Variants in CTNNA1 observed in about 807,000 individuals in gnomAD.
CTNNA1 encodes the protein catenin alpha-1.
A neutral mutation model predicts 98.4 loss-of-function variants in CTNNA1; 37 were observed. The observed-to-expected ratio is 0.38, with a 90% CI of 0.29 to 0.49. CTNNA1 has a LOEUF of 0.49. CTNNA1 is among the 20% of genes least tolerant of loss of function. The pLI, the probability that CTNNA1 is intolerant of heterozygous loss-of-function variation, is 0.95. For synonymous variants in CTNNA1, 404 were observed against 413.2 expected (o/e 0.98, Z 0.27); for missense variants, 761 against 1,147.2 (o/e 0.66, Z 4.86).
At position 138,930,903 on chromosome 5, in the gene CTNNA1, A is replaced by C; in HGVS notation, c.2266A>C (p.Met756Leu). ...AKKIAEAGSR[M>L]DKLGRTIADH... The stretch of plus-strand genomic sequence containing the variant: ...GAAAATTGCTGAGGCAGGATCCAGG[A>C]TGGACAAGCTTGGCCGCACCATTGC... Residue 756 changes from methionine to leucine, a missense_variant, in exon 16 of 18, where the codon ATG (methionine) becomes CTG (leucine). Around this residue, in one of 6 missense-constraint regions of CTNNA1, gnomAD observed 77 missense variants for 198.8 expected, o/e 0.39. Transcript: ENST00000302763. 1 of 1,614,060 alleles carries C rather than the reference A, an allele frequency of 6.2e-7. No homozygotes were observed. The highest frequency in any genetic ancestry group is 8.5e-7 in the Non-Finnish European group (1 of 1,179,870).
rs2150294641 is a variant in CTNNA1, at chr5:138,925,293, G to A, written c.1785G>A (p.Val595=). 1 of 1,614,092 alleles carries A rather than the reference G, an allele frequency of 6.2e-7. No homozygotes were observed. The part of the protein sequence containing the change: ...PRFTEQVEAA[V]EALSSDPAQP... The stretch of plus-strand genomic sequence containing the variant: ...TTACTGAGCAAGTAGAAGCAGCCGT[G>A]GAAGCCCTCAGCTCGGACCCTGCCC... Residue 595 remains valine, a synonymous_variant, in exon 13 of 18, where the codon GTG becomes GTA. Transcript: ENST00000302763.
intron 1 of CTNNA1, among the ~76,000 whole-genome samples, chr5:138,760,577 G>A (rs1199903596): frequency 6.6e-6 from 1 of 151,940 alleles, no homozygotes; most frequent in Non-Finnish European, 1.5e-5. Flanking sequence ...TATTGGCCAG[G>A]CTGGTCTCTA....
intron 17 of CTNNA1, 160 bp downstream of exon 17, chr5:138,932,872 C>T (rs1561781084): frequency 1.1e-6 from 1 of 924,236 alleles, no homozygotes; most frequent in Non-Finnish European, 1.8e-6. Context: ...GTCTGTCCAT[C>T]ATCTGTTCCC....
chr5:138,766,247 T>C (rs754875197), intron 1 of CTNNA1, among the ~76,000 whole-genome samples: 9 of 152,024 alleles, frequency 5.9e-5, no homozygotes, highest in Non-Finnish European at 1.3e-4. Flanking sequence ...TGAAGGAAAA[T>C]TGTAGCTTTC....
chr5:138,932,392 C>T (rs1486490232), intron 16 of CTNNA1, 186 bp from the exon 17 acceptor site: 5 of 1,417,632 alleles, frequency 3.5e-6, no homozygotes, highest in Non-Finnish European at 3.7e-6. Context: ...CATCAGCTCA[C>T]CCGCCTCCAT....
chr5:138,850,659 G>C (rs1386509137), intron 7 of CTNNA1, among the ~76,000 whole-genome samples: 1 of 152,026 alleles, frequency 6.6e-6, no homozygotes, highest in African/African-American at 2.4e-5. Context: ...AACTTTGAAG[G>C]TTTTACTATT....
rs185515560 is a variant in CTNNA1 at position 138,757,654 on chromosome 5, A to G, written c.-3+4144A>G. ...GGTGCATTACATTATGCTGTACGTTATTATTGATGTACCTGTTTGCCTTTA... is the reference window on the plus strand; with the variant it reads ...GGTGCATTACATTATGCTGTACGTTGTTATTGATGTACCTGTTTGCCTTTA... On this transcript the variant is annotated intron_variant, in intron 1 of 17. Coordinates refer to ENST00000302763, the MANE Select transcript of CTNNA1 (RefSeq NM_001903.5). Among the ~76,000 whole-genome samples, 491 of 152,246 alleles carry G rather than the reference A, an allele frequency of 3.2e-3. 8 individuals carry two copies. Among genetic ancestry groups the G allele is most frequent in the Non-Finnish European group, 2.9e-3 (197 of 68,018 alleles).
Position 138,873,945 on chromosome 5 carries a change from T to C in CTNNA1, c.1063-12267T>C. The stretch of plus-strand genomic sequence containing the variant: ...TGCTCTAGGTGAAGCTCTCTCAGTT[T>C]AATTAATCCTGCAAATCCATTGCGA... On this transcript the variant is annotated intron_variant, in intron 7 of 17. Transcript: ENST00000302763. This position sits in a 1 kb window ranked among gnomAD's most constrained non-coding sequence, Gnocchi z 6.1. The C allele has an allele frequency of 6.2e-7, 1 of 1,614,036 alleles. No homozygotes were observed. Among genetic ancestry groups the C allele is most frequent in the Non-Finnish European group, 8.5e-7 (1 of 1,179,896 alleles).
At chr5:138,825,731 A>T (rs568814117) in intron 6 of CTNNA1, among the ~76,000 whole-genome samples, 1 of 151,834 alleles carries the variant, frequency 6.6e-6, no homozygotes, top group African/African-American at 2.4e-5. Flanking sequence ...GTTGATATGC[A>T]TGGCCGATTT....
intron 5 of CTNNA1, among the ~76,000 whole-genome samples, chr5:138,813,147 T>C (rs1028293077): frequency 6.6e-6 from 1 of 152,192 alleles, no homozygotes; most frequent in African/African-American, 2.4e-5. Context: ...ACTTCAGGGT[T>C]GTTAAATATA....
At chr5:138,892,187 G>C (rs1755524581) in intron 9 of CTNNA1, among the ~76,000 whole-genome samples, 2 of 151,960 alleles carry the variant, frequency 1.3e-5, no homozygotes, top group Non-Finnish European at 2.9e-5. Context: ...TTACAGGCGT[G>C]TCCTTAACCT....
Position 138,904,428 on chromosome 5 carries a change from C to G in CTNNA1, c.1376C>G (p.Ala459Gly). The change falls in exon 10 of 18, where the codon GCC becomes GGC. Residue 459 changes from alanine (A) to glycine (G), a missense_variant. By Grantham distance (60) the Ala-to-Gly change is moderately conservative. This residue lies in a region of CTNNA1 where 287 missense variants were observed against 436.0 expected (regional missense o/e 0.66). Coordinates refer to ENST00000302763, the MANE Select transcript of CTNNA1 (RefSeq NM_001903.5). ...CGAATGTCTGCAAGCCAGTTAGAAGCCCTCTGTCCTCAGGTAAAGTACAAC... is the reference window on the plus strand; with the variant it reads ...CGAATGTCTGCAAGCCAGTTAGAAGGCCTCTGTCCTCAGGTAAAGTACAAC... ...LVRMSASQLE[A>G]LCPQVINAAL... 6.8e-6 allele frequency: 11 copies of G among 1,613,854 alleles called. No homozygotes were observed. Among genetic ancestry groups the G allele is most frequent in the Non-Finnish European group, 9.3e-6 (11 of 1,179,822 alleles).
At chr5:138,806,055 G>GT (rs1185615653) in intron 3 of CTNNA1, among the ~76,000 whole-genome samples, 1 of 152,150 alleles carries the variant, frequency 6.6e-6, no homozygotes, top group Non-Finnish European at 1.5e-5. Context: ...GATAAATTTT[G>GT]TAAGTATATG....
At chr5:138,853,366 A>G (rs1241475656) in intron 7 of CTNNA1, among the ~76,000 whole-genome samples, 3 of 151,058 alleles carry the variant, frequency 2.0e-5, no homozygotes, top group Middle Eastern at 3.4e-3. Context: ...TTCTTTGCCC[A>G]TTTTCTACTG....
At chr5:138,871,274 A>C (rs977884436) in intron 7 of CTNNA1, 1 of 152,236 alleles carries the variant, frequency 6.6e-6, no homozygotes, top group African/African-American at 2.4e-5. Flanking sequence ...TCTTTTTTCT[A>C]CATACAGTAA....
intron 17 of CTNNA1, 146 bp from the exon 18 acceptor site, chr5:138,933,656 G>T (rs1228170296): frequency 2.1e-5 from 16 of 771,024 alleles, no homozygotes; most frequent in Non-Finnish European, 3.1e-5. Context: ...TGTTCTTCAG[G>T]AACAGGCTGC....
At chr5:138,812,412 G>C in intron 5 of CTNNA1, 110 bp downstream of exon 5, 1 of 1,203,954 alleles carries the variant, frequency 8.3e-7, no homozygotes. Flanking sequence ...CGCCAATATA[G>C]TTCCATTAAA....
chr5:138,901,556 C>T lies in CTNNA1; in HGVS notation c.1297-2793C>T, dbSNP rs560630919. 2.0e-5 allele frequency among the ~76,000 whole-genome samples: 3 copies of T among 152,236 alleles called. No homozygotes were observed. The South Asian group carries it at 6.2e-4, about 32-fold the overall frequency. The stretch of plus-strand genomic sequence containing the variant: ...TCTCCCAACTCAGCCTTCCAATTAG[C>T]TGGGACTATAGGTGCGTGCCACCAC... On this transcript the variant is annotated intron_variant, in intron 9 of 17. Transcript: ENST00000302763.
chr5:138,824,788 A>G lies in CTNNA1; in HGVS notation c.847A>G (p.Asn283Asp), dbSNP rs1355879925. The G allele has an allele frequency of 6.2e-7, 1 of 1,612,640 alleles. No individual in the cohort carries two copies. Among genetic ancestry groups the G allele is most frequent in the Non-Finnish European group, 8.5e-7 (1 of 1,178,674 alleles). Residue 283 changes from asparagine to aspartate, a missense_variant, in exon 6 of 18, where the codon AAT becomes GAT. By Grantham distance (23) the Asn-to-Asp change is conservative. This residue lies in a region of CTNNA1 where 328 missense variants were observed against 354.3 expected (regional missense o/e 0.93). Transcript: ENST00000302763. ...AGGAGGAGAACTGGCATATGCACTC[A>G]ATAACTTTGACGTAAGTTATGCTTG... Reference protein sequence around the residue: ...GGGGELAYALNNFDKQIIVDP... With the variant: ...GGGGELAYALDNFDKQIIVDP...
Sources: gnomAD v4.1 joint callset for allele counts (sites outside exome capture counted in the v4.1 genomes callset) on GRCh38, gnomAD v4.1.1 for gene constraint, gnomAD v4.1.1 regional missense constraint, Gnocchi (gnomAD v3.1) non-coding constraint, MANE v1.5 for transcripts, NCBI Gene and HGNC (gene_info 2026-07-23, HGNC 2026-07-21) for gene names.